Variants in WDPCP observed in about 807,000 individuals in gnomAD.
WDPCP encodes the protein WD repeat containing planar cell polarity effector.
In WDPCP, 71 loss-of-function variants were observed where a neutral mutation model predicts 93.1. The ratio of observed to expected loss-of-function variants is 0.76; its 90% confidence interval spans 0.63 to 0.93. WDPCP has a LOEUF of 0.93. WDPCP is among the 40% of genes least tolerant of loss of function. WDPCP has a pLI of 0.00. For synonymous variants in WDPCP, 315 were observed against 315.0 expected (o/e 1.00, Z 0.00); for missense variants, 844 against 887.4 (o/e 0.95, Z 0.62).
Position 63,390,906 on chromosome 2 carries a change from C to T in WDPCP, c.1436-8812G>A, listed in dbSNP as rs190335447. Among the ~76,000 whole-genome samples the T allele has an allele frequency of 1.8e-3, 276 of 152,226 alleles. 1 individual carries two copies. Among genetic ancestry groups the T allele is most frequent in the African/African-American group, 6.2e-3 (258 of 41,544 alleles). ...AGTTGAGGCAATAATTAATAGCCTA[C>T]CAACCAAAAAGTGTCCAGAACCAGA... On this transcript the variant is annotated intron_variant, in intron 10 of 17. Coordinates refer to ENST00000272321, the MANE Select transcript of WDPCP (RefSeq NM_015910.7).
At chr2:63,772,068 T>A (rs1314840495) in intron 2 of WDPCP, among the ~76,000 whole-genome samples, 3 of 152,090 alleles carry the variant, frequency 2.0e-5, no homozygotes, top group East Asian at 3.8e-4. Flanking sequence ...TACCCAGTAA[T>A]GAGATTGCTG....
At chr2:63,278,678 T>A (rs1459764174) in intron 13 of WDPCP, among the ~76,000 whole-genome samples, 1 of 151,896 alleles carries the variant, frequency 6.6e-6, no homozygotes, top group East Asian at 1.9e-4. Context: ...ATACAAAAAA[T>A]TAGCCGGGCA....
chr2:63,209,511 C>T (rs1676600596), intron 14 of WDPCP, among the ~76,000 whole-genome samples: 1 of 152,172 alleles, frequency 6.6e-6, no homozygotes, highest in Non-Finnish European at 1.5e-5. Flanking sequence ...CCCTCTAGAC[C>T]TCATGAAGTT....
At chr2:63,399,024 G>A (rs971523510) in intron 10 of WDPCP, among the ~76,000 whole-genome samples, 33 of 152,014 alleles carry the variant, frequency 2.2e-4, no homozygotes, top group Non-Finnish European at 2.2e-4. Context: ...CTACTCTTCC[G>A]AGGAAAAATA....
At chr2:63,693,627 G>T (rs566828755) in intron 2 of WDPCP, among the ~76,000 whole-genome samples, 1 of 152,228 alleles carries the variant, frequency 6.6e-6, no homozygotes. Flanking sequence ...GACCTGATCA[G>T]AACAGACCCC....
chr2:63,655,031 T>C (rs991168107), intron 2 of WDPCP, among the ~76,000 whole-genome samples: 1 of 152,162 alleles, frequency 6.6e-6, no homozygotes, highest in Non-Finnish European at 1.5e-5. Flanking sequence ...GATGAGAGAC[T>C]AGAGAATCAC....
intron 2 of WDPCP, among the ~76,000 whole-genome samples, chr2:63,769,145 TG>T (rs1319265937): frequency 2.0e-5 from 3 of 151,986 alleles, no homozygotes; most frequent in Non-Finnish European, 4.4e-5. Flanking sequence ...GGGCCACAAC[TG>T]TAGGCTTTCT....
At chr2:63,551,630 C>T (rs1032515100) in intron 1 of WDPCP, among the ~76,000 whole-genome samples, 6 of 152,138 alleles carry the variant, frequency 3.9e-5, no homozygotes, top group Non-Finnish European at 8.8e-5. Flanking sequence ...TCAGATATTT[C>T]TTTATAGCAA....
At chr2:63,178,824 T>C (rs1674013424) in intron 14 of WDPCP, among the ~76,000 whole-genome samples, 1 of 152,146 alleles carries the variant, frequency 6.6e-6, no homozygotes, top group African/African-American at 2.4e-5. Flanking sequence ...CTTTCTTCTT[T>C]TTTAATGTAA....
chr2:63,459,271 G>A (rs1224897051), intron 6 of WDPCP, among the ~76,000 whole-genome samples: 2 of 152,016 alleles, frequency 1.3e-5, no homozygotes, highest in Non-Finnish European at 2.9e-5. Flanking sequence ...TCAACAGAGT[G>A]AAGAAACAAC....
At chr2:63,305,024 G>A (rs147315843) in intron 13 of WDPCP, among the ~76,000 whole-genome samples, 271 of 152,236 alleles carry the variant, frequency 1.8e-3, no homozygotes, top group African/African-American at 4.9e-3. Flanking sequence ...GCAAAGCCGC[G>A]GTAGCCAGAC....
intron 10 of WDPCP, among the ~76,000 whole-genome samples, chr2:63,385,627 T>C (rs188438828): frequency 2.6e-5 from 4 of 152,118 alleles, no homozygotes; most frequent in African/African-American, 4.8e-5. Context: ...ACCTAAATAA[T>C]TGGAGAAGGG....
At chr2:63,141,238 C>A (rs1671038660) in intron 17 of WDPCP, among the ~76,000 whole-genome samples, 1 of 151,984 alleles carries the variant, frequency 6.6e-6, no homozygotes, top group Non-Finnish European at 1.5e-5. Context: ...GCCACCAGGC[C>A]CGGCTAATTT....
In WDPCP at chr2:63,146,427, C is replaced by CA. The variant is rs1671512237; in HGVS notation, c.2190+6486dup. 2.4e-5 allele frequency among the ~76,000 whole-genome samples: 3 copies of CA among 127,292 alleles called. No homozygotes were observed. The Admixed American group carries it at 2.7e-4, about 11-fold the overall frequency. 83.5% of individuals were successfully genotyped at this position (127,292 alleles called of 152,430 possible). ...GCGTGTTTTTTTTTTTTTTTTTTGA[C>CA]AGAGTCTTGCTGTATTGCCCAGGCT... is the stretch of plus-strand genomic sequence containing the variant. On this transcript the variant is annotated intron_variant, in intron 17 of 17. Transcript: ENST00000272321.
chr2:63,714,426 G>A (rs1413744326), intron 2 of WDPCP, among the ~76,000 whole-genome samples: 1 of 152,044 alleles, frequency 6.6e-6, no homozygotes, highest in Non-Finnish European at 1.5e-5. Context: ...TCCCTTATAA[G>A]ATAAGTTCAT....
rs530247542 is a variant in WDPCP, at chr2:63,225,797, T to C, written c.1915+33510A>G. ...TGTATTACTACAGTATATATATTTA[T>C]GAATGAACTTATTTCTGGATAAGGA... On this transcript the variant is annotated intron_variant, in intron 14 of 17. Transcript: ENST00000272321. 9.2e-5 allele frequency among the ~76,000 whole-genome samples: 14 copies of C among 152,022 alleles called. No individual in the cohort carries two copies. The South Asian group carries it at 2.3e-3, about 25-fold the overall frequency.
At chr2:63,791,457 A>G (rs898835909) in intron 2 of WDPCP, among the ~76,000 whole-genome samples, 8 of 152,134 alleles carry the variant, frequency 5.3e-5, no homozygotes, top group Non-Finnish European at 1.2e-4. Context: ...GTCTCCTAAA[A>G]GACTGAATCC....
chr2:63,808,579 A>C (rs922463413), intron 2 of WDPCP, among the ~76,000 whole-genome samples: 6 of 152,200 alleles, frequency 3.9e-5, no homozygotes, highest in African/African-American at 1.4e-4. Flanking sequence ...CCTAACCGCC[A>C]GTGATCCACC....
chr2:63,232,062 C>G (rs879008084), intron 14 of WDPCP, among the ~76,000 whole-genome samples: 1 of 152,092 alleles, frequency 6.6e-6, no homozygotes, highest in Non-Finnish European at 1.5e-5. Flanking sequence ...ACAAACCTGA[C>G]AAAAACAAGC....
Sources: allele counts gnomAD v4.1 joint callset (sites outside exome capture counted in the v4.1 genomes callset), GRCh38; gene constraint gnomAD v4.1.1; transcripts MANE v1.5; gene names NCBI Gene and HGNC (gene_info 2026-07-23, HGNC 2026-07-21).